The following GASK1B variants were observed in gnomAD, a reference collection of about 807,000 sequenced individuals.
The protein encoded by GASK1B is golgi associated kinase 1B.
A neutral mutation model predicts 42.8 loss-of-function variants in GASK1B; 34 were observed. The ratio of observed to expected loss-of-function variants is 0.79; its 90% CI spans 0.60 to 1.06. GASK1B has a LOEUF of 1.06. Among genes scored for constraint, GASK1B ranks in the 50% least tolerant of loss-of-function variants. The pLI is 0.00. For missense variants in GASK1B, 686 were observed against 661.0 expected, an observed-to-expected ratio of 1.04 and a Z score of -0.42; for synonymous variants, 262 against 259.1, an observed-to-expected ratio of 1.01 and a Z score of -0.11.
chr4:158,155,690 A>AC lies in GASK1B; in HGVS notation c.1045dup (p.Val349GlyfsTer5), dbSNP rs1485602654. ...AGTACAACCCGATTCAGGCTTGGGT[A>AC]CTCGGCCATTCTGCCAGCATTTCTG... On this transcript the variant is annotated frameshift_variant, in exon 3 of 5. Transcript: ENST00000585682. LOFTEE classifies it high-confidence loss of function. The AC allele has an allele frequency of 2.5e-6, 4 of 1,613,934 alleles. No individual in the cohort carries two copies. The East Asian group carries it at 8.9e-5, about 36-fold the overall frequency.
In GASK1B at chr4:158,170,958, G is replaced by T; in HGVS notation, c.418C>A (p.Pro140Thr). ...GGTCCGACCAAAGCCTCCTGCCCTG[G>T]GGCAGCCGATGCCACTGCATGCTTT... ...RKKHAVASAAPGQEALVGPSL... is the reference protein window; with the variant it reads ...RKKHAVASAATGQEALVGPSL... The change falls in exon 2 of 5, where the codon CCA becomes ACA. Residue 140 changes from proline to threonine, a missense_variant. Transcript: ENST00000585682. The T allele has an allele frequency of 6.2e-7, 1 of 1,614,184 alleles. No individual in the cohort carries two copies. The highest frequency in any genetic ancestry group is 1.1e-5 in the South Asian group (1 of 91,082).
chr4:158,125,282 AG>A lies in GASK1B; in HGVS notation c.*2124del, dbSNP rs1730407611. On this transcript the variant is annotated 3_prime_UTR_variant, in exon 5 of 5. Transcript: ENST00000585682. Reference sequence around the variant, plus strand: ...GGAATAACTGGAGGCAAATAAACAAAGTTAAACCCTCACGTGGGAAGACCAG... The same window carrying A: ...GGAATAACTGGAGGCAAATAAACAAATTAAACCCTCACGTGGGAAGACCAG... The A allele has an allele frequency of 6.6e-6, 1 of 152,198 alleles. No individual in the cohort carries two copies. Among genetic ancestry groups the A allele is most frequent in the Admixed American group, 6.6e-5 (1 of 15,266 alleles). 9.4% of individuals were successfully genotyped at this position (152,198 alleles called of 1,614,324 possible). A position where few individuals can be genotyped will look rare whatever the true frequency, so the allele number is the denominator to read the frequency against.
chr4:158,170,747 T>A lies in GASK1B; in HGVS notation c.629A>T (p.Glu210Val). 1 of 1,614,246 alleles carries A rather than the reference T, an allele frequency of 6.2e-7. No homozygotes were observed. The highest frequency in any genetic ancestry group is 8.5e-7 in the Non-Finnish European group (1 of 1,180,042). The change falls in exon 2 of 5, where the codon GAG becomes GTG. Residue 210 changes from glutamate to valine, a missense_variant. Glu to Val is a moderately radical substitution (Grantham distance 121). Coordinates refer to ENST00000585682, the MANE Select transcript of GASK1B (RefSeq NM_001128424.2). ...TTTGCTCAGCCAGGAGGGGGCGCTC[T>A]CGCTGTAGATCCTAATGTTGCTCTC... is the stretch of plus-strand genomic sequence containing the variant. ...SRESNIRIYS[E>V]SAPSWLSKDD...
At chr4:158,149,097 C>T (rs937676934) in intron 3 of GASK1B, among the ~76,000 whole-genome samples, 5 of 152,124 alleles carry the variant, frequency 3.3e-5, no homozygotes, top group African/African-American at 7.2e-5. Context: ...CTTACTCATG[C>T]TTTTCCCTAT....
At chr4:158,134,034 T>C (rs1238315160) in intron 3 of GASK1B, among the ~76,000 whole-genome samples, 2 of 152,190 alleles carry the variant, frequency 1.3e-5, no homozygotes, top group East Asian at 3.8e-4. Context: ...TACGTCTTTG[T>C]ATTATTGCCC....
rs1296045084 is a variant in GASK1B at position 158,171,300 on chromosome 4, G to A, written c.76C>T (p.Leu26Phe). 1 of 1,613,408 alleles carries A rather than the reference G, an allele frequency of 6.2e-7. No homozygotes were observed. ...CSLCVPRVRK[L>F]WSSRRPRTRR... The stretch of plus-strand genomic sequence containing the variant: ...GTCCTTGGACGCCGGCTGCTCCAGA[G>A]CTTACGCACCCGCGGGACGCACAGG... Residue 26 changes from leucine (L) to phenylalanine (F), a missense_variant, in exon 2 of 5, where the codon CTC becomes TTC. By Grantham distance (22) the Leu-to-Phe change is conservative. Transcript: ENST00000585682.
chr4:158,126,282 G>C lies in GASK1B; in HGVS notation c.*1125C>G, dbSNP rs1447871333. On this transcript the variant is annotated 3_prime_UTR_variant, in exon 5 of 5. Transcript: ENST00000585682. The stretch of plus-strand genomic sequence containing the variant: ...TTCCAATCTGATTTAAAAAGTGTTA[G>C]AAGGAGTTTGGAGATGATTATTTGA... 1 of 152,136 alleles carries C rather than the reference G, an allele frequency of 6.6e-6. No homozygotes were observed. The highest frequency in any genetic ancestry group is 2.4e-5 in the African/African-American group (1 of 41,454). The allele number at this position is 152,136 out of a possible 1,614,324, so 9.4% of individuals were successfully genotyped here. A position where few individuals can be genotyped will look rare whatever the true frequency, so the allele number is the denominator to read the frequency against.
chr4:158,171,134 A>G lies in GASK1B; in HGVS notation c.242T>C (p.Phe81Ser). ...HRSRDTAEPSFPEIPLDGTLA... is the reference protein window; with the variant it reads ...HRSRDTAEPSSPEIPLDGTLA... The stretch of plus-strand genomic sequence containing the variant: ...GGTACCATCCAGGGGTATCTCAGGG[A>G]AGGATGGCTCGGCGGTGTCGCGGCT... The change falls in exon 2 of 5, where the codon TTC becomes TCC. Residue 81 changes from phenylalanine (F) to serine (S), a missense_variant. Transcript: ENST00000585682. The G allele has an allele frequency of 6.2e-7, 1 of 1,608,424 alleles. No individual in the cohort carries two copies. Among genetic ancestry groups the G allele is most frequent in the Non-Finnish European group, 8.5e-7 (1 of 1,175,858 alleles).
At chr4:158,151,057 C>G (rs1166607373) in intron 3 of GASK1B, among the ~76,000 whole-genome samples, 1 of 152,130 alleles carries the variant, frequency 6.6e-6, no homozygotes, top group Non-Finnish European at 1.5e-5. Context: ...CTAAGGCCAT[C>G]CTAAATTTCC....
At chr4:158,149,942 TGAGACGGA>T (rs1420095132) in intron 3 of GASK1B, among the ~76,000 whole-genome samples, 2 of 142,058 alleles carry the variant, frequency 1.4e-5, no homozygotes, top group Non-Finnish European at 3.0e-5. Flanking sequence ...TTTTTTTTTT[TGAGACGGA>T]GTCTCACTCT....
Position 158,130,963 on chromosome 4 carries a change from T to C in GASK1B, c.1175A>G (p.Glu392Gly). The C allele has an allele frequency of 2.5e-6, 4 of 1,614,074 alleles. No homozygotes were observed. The highest frequency in any genetic ancestry group is 2.5e-6 in the Non-Finnish European group (3 of 1,179,954). The change falls in exon 4 of 5, where the codon GAA (glutamate) becomes GGA (glycine). Residue 392 changes from glutamate to glycine, a missense_variant. Transcript: ENST00000585682. ...CAATCCATTCTGTACACAGGCATCT[T>C]CCTTGCGAGGTCTGAATCCACAGCA... ...TNCCGFRPRK[E>G]DACVQNGLRP...
Position 158,172,945 on chromosome 4 carries a change from G to A in GASK1B, c.-302C>T, listed in dbSNP as rs1239353418. On this transcript the variant is annotated 5_prime_UTR_variant, in exon 1 of 5. Coordinates refer to ENST00000585682, the MANE Select transcript of GASK1B (RefSeq NM_001128424.2). Reference sequence around the variant, plus strand: ...CCTAGAAGTTCAGAAAAAAAGGTAAGAAAGAGTTAATATAAATGAGGAGAA... The same window carrying A: ...CCTAGAAGTTCAGAAAAAAAGGTAAAAAAGAGTTAATATAAATGAGGAGAA... The A allele has an allele frequency of 6.6e-6, 1 of 152,132 alleles. No individual in the cohort carries two copies. The highest frequency in any genetic ancestry group is 1.5e-5 in the Non-Finnish European group (1 of 68,050). 9.4% of individuals were successfully genotyped at this position (152,132 alleles called of 1,614,324 possible).
chr4:158,135,716 T>C (rs973951201), intron 3 of GASK1B, among the ~76,000 whole-genome samples: 49 of 152,128 alleles, frequency 3.2e-4, no homozygotes, highest in African/African-American at 1.2e-3. Flanking sequence ...GGCGCATTTG[T>C]GTAGAACGTT....
At chr4:158,161,404 CCTAA>C (rs1207254621) in intron 2 of GASK1B, among the ~76,000 whole-genome samples, 1 of 152,032 alleles carries the variant, frequency 6.6e-6, no homozygotes, top group African/African-American at 2.4e-5. Flanking sequence ...TTTCTCTAGG[CCTAA>C]CTGAGTTAAA....
At position 158,127,755 on chromosome 4, in the gene GASK1B, C is replaced by T. The variant is rs1447356772; in HGVS notation, c.1353-141G>A. On this transcript the variant is annotated intron_variant, in intron 4 of 4. Coordinates refer to ENST00000585682, the MANE Select transcript of GASK1B (RefSeq NM_001128424.2). ...GAGAACCAAAACATTTTTGTTACTGCCAAGATGACACTTCTCTTAATAATA... is the reference window on the plus strand; with the variant it reads ...GAGAACCAAAACATTTTTGTTACTGTCAAGATGACACTTCTCTTAATAATA... The T allele has an allele frequency of 7.4e-6, 5 of 672,162 alleles. No individual in the cohort carries two copies. In the East Asian group the frequency reaches 1.4e-4, roughly 18 times the overall value. 41.6% of individuals were successfully genotyped at this position (672,162 alleles called of 1,614,324 possible).
intron 3 of GASK1B, among the ~76,000 whole-genome samples, chr4:158,144,358 A>G (rs1731252690): frequency 6.6e-6 from 1 of 152,218 alleles, no homozygotes; most frequent in African/African-American, 2.4e-5. Flanking sequence ...TCTAGTGACA[A>G]ACTATGGAAA....
At chr4:158,160,045 G>A (rs1419100752) in intron 2 of GASK1B, among the ~76,000 whole-genome samples, 3 of 152,048 alleles carry the variant, frequency 2.0e-5, no homozygotes, top group Non-Finnish European at 2.9e-5. Flanking sequence ...TCTCTTGCAC[G>A]GGCCATGTTC....
intron 3 of GASK1B, among the ~76,000 whole-genome samples, chr4:158,149,546 A>G (rs1301698207): frequency 6.6e-6 from 1 of 151,418 alleles, no homozygotes; most frequent in East Asian, 2.0e-4. Flanking sequence ...CTCAAGGTCC[A>G]TTCTCATAGA....
chr4:158,127,950 T>C (rs1195311225), intron 4 of GASK1B, among the ~76,000 whole-genome samples: 1 of 152,184 alleles, frequency 6.6e-6, no homozygotes, highest in African/African-American at 2.4e-5. Flanking sequence ...ATTTCACCTG[T>C]GGAAACCCCT....
Sources: gnomAD v4.1 joint callset for allele counts (sites outside exome capture counted in the v4.1 genomes callset) on GRCh38, gnomAD v4.1.1 for gene constraint, MANE v1.5 for transcripts, NCBI Gene and HGNC (gene_info 2026-07-23, HGNC 2026-07-21) for gene names.